Variants in SLC26A4 observed in about 807,000 individuals in gnomAD.
SLC26A4 encodes the protein solute carrier family 26 member 4, also known as pendrin.
Under a neutral mutation model 90.4 loss-of-function variants are expected in SLC26A4, and 93 were observed. The observed-to-expected ratio is 1.03, with a 90% CI of 0.87 to 1.22. The LOEUF is 1.22. Ranked by LOEUF, SLC26A4 falls within the 50% of genes most tolerant of loss-of-function variation. The pLI is 0.00. For missense variants in SLC26A4, 1,127 were observed against 946.2 expected (o/e 1.19, Z -2.51); for synonymous variants, 393 against 354.6 (o/e 1.11, Z -1.22).
chr7:107,663,119 G>T (rs1189744428), intron 2 of SLC26A4, among the ~76,000 whole-genome samples, 177 bp from the exon 3 acceptor site: 1 of 152,204 alleles, frequency 6.6e-6, no homozygotes, highest in Non-Finnish European at 1.5e-5. Context: ...TAAAAGGATA[G>T]ATACAGTTCT....
At chr7:107,714,082 A>T (rs903097534) in intron 20 of SLC26A4, among the ~76,000 whole-genome samples, 4 of 53,660 alleles carry the variant, frequency 7.5e-5, no homozygotes, top group African/African-American at 4.6e-4. Flanking sequence ...CCACGTCCAG[A>T]TAATTTTTTT....
chr7:107,712,703 T>C, intron 20 of SLC26A4, 81 bp downstream of exon 20: 1 of 807,138 alleles, frequency 1.2e-6, no homozygotes, highest in African/African-American at 1.7e-5. Flanking sequence ...ATATATCTGA[T>C]TAAGAACTGT....
chr7:107,661,640 TC>T lies in SLC26A4; in HGVS notation c.-1del. On this transcript the variant is annotated splice_region_variant and 5_prime_UTR_variant, in exon 2 of 21. Transcript: ENST00000644269. The surrounding 1 kb of genome is among the most constrained non-coding windows in gnomAD (Gnocchi z 5.1). ...TCCTCGCTGTCCTCTGGCTCGCAGG[TC>T]ATGGCAGCGCCAGGCGGCAGGTCGG... 1.3e-6 allele frequency: 2 copies of T among 1,561,206 alleles called. No homozygotes were observed. The highest frequency in any genetic ancestry group is 8.6e-7 in the Non-Finnish European group (1 of 1,158,860).
At chr7:107,689,428 G>A (rs1449126722) in intron 9 of SLC26A4, among the ~76,000 whole-genome samples, 6 of 152,276 alleles carry the variant, frequency 3.9e-5, no homozygotes, top group African/African-American at 1.4e-4. Flanking sequence ...TTTTAAAAGA[G>A]CTAATTCAGT....
chr7:107,692,793 G>T (rs748444801), intron 10 of SLC26A4, among the ~76,000 whole-genome samples: 14 of 152,122 alleles, frequency 9.2e-5, no homozygotes, highest in Non-Finnish European at 1.8e-4. Flanking sequence ...AACTGAATCT[G>T]GTTGTAGATA....
Position 107,661,826 on chromosome 7 carries a change from C to T in SLC26A4, c.164+21C>T, listed in dbSNP as rs1313575764. 1.3e-6 allele frequency: 2 copies of T among 1,529,620 alleles called. No individual in the cohort carries two copies. Among genetic ancestry groups the T allele is most frequent in the Non-Finnish European group, 8.8e-7 (1 of 1,142,476 alleles). 94.8% of individuals were successfully genotyped at this position (1,529,620 alleles called of 1,614,324 possible). A position where few individuals can be genotyped will look rare whatever the true frequency, so the allele number is the denominator to read the frequency against. On this transcript the variant is annotated intron_variant, in intron 2 of 20. Coordinates refer to ENST00000644269, the MANE Select transcript of SLC26A4 (RefSeq NM_000441.2). The surrounding 1 kb of genome is among the most constrained non-coding windows in gnomAD (Gnocchi z 5.1). ...TGCAGGTAGCGGCCGCGCGGGCCTG[C>T]GTAGAGAGAAGCGGAGCGGGGCGTC...
intron 6 of SLC26A4, among the ~76,000 whole-genome samples, chr7:107,678,883 T>A (rs1791098425): frequency 6.6e-6 from 1 of 152,156 alleles, no homozygotes. Flanking sequence ...TAGTAGAGGA[T>A]TCTCCCAGAA....
intron 20 of SLC26A4, among the ~76,000 whole-genome samples, chr7:107,714,371 A>T (rs996898047): frequency 6.6e-6 from 1 of 152,194 alleles, no homozygotes; most frequent in Non-Finnish European, 1.5e-5. Flanking sequence ...AACCCCCTAT[A>T]GTGAAATCAG....
At chr7:107,676,829 G>GTACT (rs1247803538) in intron 6 of SLC26A4, among the ~76,000 whole-genome samples, 4 of 152,154 alleles carry the variant, frequency 2.6e-5, no homozygotes, top group Admixed American at 1.3e-4. Flanking sequence ...TACAGGCCAG[G>GTACT]TACTATGCTA....
At chr7:107,700,392 C>G (rs975661088) in intron 15 of SLC26A4, among the ~76,000 whole-genome samples, 1 of 152,086 alleles carries the variant, frequency 6.6e-6, no homozygotes, top group African/African-American at 2.4e-5. Context: ...GTAGTAATAA[C>G]TATGCCAGAC....
Position 107,701,971 on chromosome 7 carries a change from G to A in SLC26A4, c.1948G>A (p.Val650Ile), listed in dbSNP as rs199789119. ...WNSELPVKVN[V>I]PKVPIHSLVL... Reference sequence around the variant, plus strand: ...CTCTGAGCTTCCAGTCAAAGTGAACGTTCCCAAAGTGCCAATCCATAGCCT... The same window carrying A: ...CTCTGAGCTTCCAGTCAAAGTGAACATTCCCAAAGTGCCAATCCATAGCCT... The change falls in exon 17 of 21, where the codon GTT (valine) becomes ATT (isoleucine). Residue 650 changes from valine (V) to isoleucine (I), a missense_variant. By Grantham distance (29) the Val-to-Ile change is conservative (BLOSUM62 3). Transcript: ENST00000644269. The A allele has an allele frequency of 3.3e-5, 53 of 1,613,974 alleles. No homozygotes were observed. Among genetic ancestry groups the A allele is most frequent in the South Asian group, 2.4e-4 (22 of 91,076 alleles).
intron 3 of SLC26A4, among the ~76,000 whole-genome samples, chr7:107,666,244 C>G (rs991529635): frequency 5.3e-5 from 8 of 152,070 alleles, no homozygotes; most frequent in African/African-American, 1.9e-4. Flanking sequence ...TTTTTTGAGA[C>G]AGGGTCTTGC....
In SLC26A4 at chr7:107,701,820, C is replaced by T. The variant is rs1298895017; in HGVS notation, c.1804-7C>T. On this transcript the variant is annotated splice_region_variant and splice_polypyrimidine_tract_variant and intron_variant, in intron 16 of 20. Coordinates refer to ENST00000644269, the MANE Select transcript of SLC26A4 (RefSeq NM_000441.2). ...ACAATTAAGTTGACAGTGTTTTCTT[C>T]GTTTAGAATGGCATCATAAGTGATG... 2.6e-6 allele frequency: 4 copies of T among 1,543,120 alleles called. No individual in the cohort carries two copies. Among genetic ancestry groups the T allele is most frequent in the Admixed American group, 1.7e-5 (1 of 59,896 alleles).
intron 10 of SLC26A4, among the ~76,000 whole-genome samples, chr7:107,691,441 G>A (rs1359143112): frequency 6.7e-6 from 1 of 150,202 alleles, no homozygotes; most frequent in Non-Finnish European, 1.5e-5. Flanking sequence ...GGTGGAGGTT[G>A]CAGTGAGCCA....
intron 18 of SLC26A4, among the ~76,000 whole-genome samples, chr7:107,705,128 T>G (rs1434070278): frequency 6.6e-6 from 1 of 152,196 alleles, no homozygotes; most frequent in Admixed American, 6.5e-5. Context: ...TCAAGAAGAC[T>G]AAAACAATGG....
chr7:107,708,002 T>G (rs972963903), intron 18 of SLC26A4, among the ~76,000 whole-genome samples: 2 of 152,210 alleles, frequency 1.3e-5, no homozygotes, highest in African/African-American at 4.8e-5. Flanking sequence ...AAGAGTTATA[T>G]TGATGAAACA....
intron 3 of SLC26A4, among the ~76,000 whole-genome samples, chr7:107,670,476 G>T (rs1272664404): frequency 6.6e-6 from 1 of 152,056 alleles, no homozygotes; most frequent in Non-Finnish European, 1.5e-5. Flanking sequence ...AAAAGAGGAA[G>T]CATACATACC....
intron 10 of SLC26A4, chr7:107,693,152 GA>G: frequency 4.2e-6 from 1 of 235,362 alleles, no homozygotes; most frequent in Non-Finnish European, 6.9e-6. Context: ...CAAGGGAGAG[GA>G]AGGGAAGGGA....
intron 8 of SLC26A4, among the ~76,000 whole-genome samples, chr7:107,684,217 T>C (rs1791332817): frequency 6.6e-6 from 1 of 152,160 alleles, no homozygotes; most frequent in South Asian, 2.1e-4. Flanking sequence ...CATAATTTTC[T>C]CATATGGGGT....
Sources: gnomAD v4.1 joint callset for allele counts (sites outside exome capture counted in the v4.1 genomes callset) on GRCh38, gnomAD v4.1.1 for gene constraint, Gnocchi (gnomAD v3.1) non-coding constraint, MANE v1.5 for transcripts, NCBI Gene and HGNC (gene_info 2026-07-23, HGNC 2026-07-21) for gene names.